Variants in FBLN1 observed in about 807,000 individuals in gnomAD.
FBLN1 encodes the protein fibulin-1.
A neutral mutation model predicts 89.7 loss-of-function variants in FBLN1; 34 were observed. That is an observed-to-expected ratio of 0.38 (90% CI 0.29 to 0.50). The LOEUF is 0.50. Ranked by LOEUF, FBLN1 falls within the 20% of genes least tolerant of loss-of-function variation. FBLN1 has a pLI of 0.92. For synonymous variants in FBLN1, 393 were observed against 391.3 expected (o/e 1.00, Z -0.05); for missense variants, 777 against 988.1 (o/e 0.79, Z 2.86).
rs1197986445 is a variant in FBLN1, at chr22:45,574,457, G to A, written c.1698-54G>A. The A allele has an allele frequency of 6.2e-7, 1 of 1,610,220 alleles. No individual in the cohort carries two copies. Among genetic ancestry groups the A allele is most frequent in the Non-Finnish European group, 8.5e-7 (1 of 1,177,660 alleles). ...CTCCTCCCTAGACCTCGGCCCCTGT[G>A]GGAGCTGCTGTCCCAGCTTCCCCGT... On this transcript the variant is annotated intron_variant, in intron 14 of 16. Coordinates refer to ENST00000327858, the MANE Select transcript of FBLN1 (RefSeq NM_006486.3). This position sits in a 1 kb window ranked among gnomAD's most constrained non-coding sequence, Gnocchi z 4.1.
rs765353422 is a variant in FBLN1 at position 45,522,951 on chromosome 22, G to A, written c.186-2592G>A. ...CGAAATATGCAAGTCCCCTGGCCTC[G>A]TGGAGGCGGCATTCTATAGGGGATG... On this transcript the variant is annotated intron_variant, in intron 2 of 16. Transcript: ENST00000327858. 6.5e-5 allele frequency: 32 copies of A among 491,050 alleles called. 1 individual carries two copies. Among genetic ancestry groups the A allele is most frequent in the African/African-American group, 4.0e-4 (21 of 52,400 alleles). The allele number at this position is 491,050 out of a possible 1,614,324, so 30.4% of individuals were successfully genotyped here. A position where few individuals can be genotyped will look rare whatever the true frequency, so the allele number is the denominator to read the frequency against.
chr22:45,519,259 G>A (rs1445564663), intron 2 of FBLN1, among the ~76,000 whole-genome samples: 2 of 152,234 alleles, frequency 1.3e-5, no homozygotes, highest in Admixed American at 6.5e-5. Flanking sequence ...TGGATCGACC[G>A]TTTTTATTCT....
intron 4 of FBLN1, among the ~76,000 whole-genome samples, chr22:45,529,332 C>T (rs554230039): frequency 1.9e-4 from 29 of 152,328 alleles, no homozygotes; most frequent in African/African-American, 5.3e-4. Context: ...GCTTCAAGAG[C>T]GCTCTCAGCT....
At position 45,543,459 on chromosome 22, in the gene FBLN1, G is replaced by A. The variant is rs1194623370; in HGVS notation, c.1254G>A (p.Thr418=). Residue 418 remains threonine, a synonymous_variant, in exon 11 of 17, where the codon ACG becomes ACA. Coordinates refer to ENST00000327858, the MANE Select transcript of FBLN1 (RefSeq NM_006486.3). ...GRLCGHKCEN[T]LGSYLCSCSV... ...TGTGTGGCCACAAGTGCGAGAACAC[G>A]CTGGGCTCCTACCTCTGCAGCTGTT... The A allele has an allele frequency of 6.8e-6, 11 of 1,613,654 alleles. No homozygotes were observed. Among genetic ancestry groups the A allele is most frequent in the East Asian group, 2.2e-5 (1 of 44,882 alleles).
chr22:45,502,905 G>C lies in FBLN1; in HGVS notation c.-81G>C. On this transcript the variant is annotated 5_prime_UTR_variant, in exon 1 of 17. Coordinates refer to ENST00000327858, the MANE Select transcript of FBLN1 (RefSeq NM_006486.3). Reference sequence around the variant, plus strand: ...AGCGTTGGCTGCCGAGGCTCGGCCGGAGCGTGGAGCCCGCGCCGCTGCCCC... The same window carrying C: ...AGCGTTGGCTGCCGAGGCTCGGCCGCAGCGTGGAGCCCGCGCCGCTGCCCC... 1 of 512,110 alleles carries C rather than the reference G, an allele frequency of 2.0e-6. No individual in the cohort carries two copies. Among genetic ancestry groups the C allele is most frequent in the Non-Finnish European group, 2.6e-6 (1 of 390,494 alleles). 31.7% of individuals were successfully genotyped at this position (512,110 alleles called of 1,614,324 possible). A position where few individuals can be genotyped will look rare whatever the true frequency, so the allele number is the denominator to read the frequency against.
Position 45,527,835 on chromosome 22 carries a change from C to T in FBLN1, c.322-12C>T. 1.2e-6 allele frequency: 2 copies of T among 1,613,634 alleles called. No homozygotes were observed. The highest frequency in any genetic ancestry group is 2.2e-5 in the East Asian group (1 of 44,862). On this transcript the variant is annotated splice_polypyrimidine_tract_variant and intron_variant, in intron 3 of 16. Coordinates refer to ENST00000327858, the MANE Select transcript of FBLN1 (RefSeq NM_006486.3). ...CCGCTCCTCCATCTGGGATCTCCAC[C>T]TGTGTTTGCAGAGGTGCTGCCATTG...
chr22:45,529,656 A>C (rs2088377784), intron 4 of FBLN1, among the ~76,000 whole-genome samples: 1 of 152,150 alleles, frequency 6.6e-6, no homozygotes, highest in African/African-American at 2.4e-5. Context: ...ACCTGAGGTC[A>C]GGAGTTCGAG....
intron 7 of FBLN1, 110 bp downstream of exon 7, chr22:45,534,008 C>T: frequency 6.8e-7 from 1 of 1,475,858 alleles, no homozygotes; most frequent in East Asian, 2.3e-5. Flanking sequence ...CCCTCTGTGG[C>T]TGCCTGGGCG....
chr22:45,573,430 C>CT (rs2088966722), intron 14 of FBLN1, among the ~76,000 whole-genome samples: 1 of 150,648 alleles, frequency 6.6e-6, no homozygotes, highest in South Asian at 2.1e-4. Flanking sequence ...AATCCCAGCA[C>CT]TTTGGGAGGC....
intron 16 of FBLN1, among the ~76,000 whole-genome samples, chr22:45,586,783 G>A (rs566151332): frequency 2.6e-5 from 4 of 152,256 alleles, no homozygotes; most frequent in South Asian, 4.2e-4. Flanking sequence ...ATGGGGCCAC[G>A]TAGGAAAGGG....
In FBLN1 at chr22:45,518,703, A is replaced by T; in HGVS notation, c.101A>T (p.Glu34Val). Residue 34 changes from glutamate to valine, a missense_variant, in exon 2 of 17, where the codon GAG becomes GTG. Glu to Val is a moderately radical substitution (Grantham distance 121). Coordinates refer to ENST00000327858, the MANE Select transcript of FBLN1 (RefSeq NM_006486.3). ...ACAGTGGACGCGGATGTCCTCCTGG[A>T]GGCCTGCTGTGCGGACGGACACCGG... ...AAGVDADVLLEACCADGHRMA... is the reference protein window; with the variant it reads ...AAGVDADVLLVACCADGHRMA... 6.2e-7 allele frequency: 1 copy of T among 1,609,800 alleles called. No homozygotes were observed. The highest frequency in any genetic ancestry group is 8.5e-7 in the Non-Finnish European group (1 of 1,178,260).
Position 45,531,293 on chromosome 22 carries a change from A to G in FBLN1, c.513A>G (p.Gln171=), listed in dbSNP as rs1311152397. The G allele has an allele frequency of 3.7e-6, 6 of 1,614,070 alleles. No homozygotes were observed. In the African/African-American group the frequency reaches 4.0e-5, roughly 11 times the overall value. Reference sequence around the variant, plus strand: ...AGATCATTGAGGTTGAGGAGGAACAAGAGGACCCATATCTGAATGACCGCT... The same window carrying G: ...AGATCATTGAGGTTGAGGAGGAACAGGAGGACCCATATCTGAATGACCGCT... The part of the protein sequence containing the change: ...TDKIIEVEEE[Q]EDPYLNDRCR... Residue 171 remains glutamine (Q), a synonymous_variant, in exon 5 of 17, where the codon CAA becomes CAG. Coordinates refer to ENST00000327858, the MANE Select transcript of FBLN1 (RefSeq NM_006486.3). The surrounding 1 kb of genome is among the most constrained non-coding windows in gnomAD (Gnocchi z 4.9).
In FBLN1 at chr22:45,518,709, G is replaced by T; in HGVS notation, c.107G>T (p.Cys36Phe). Reference protein sequence around the residue: ...GVDADVLLEACCADGHRMATH... With the variant: ...GVDADVLLEAFCADGHRMATH... ...GACGCGGATGTCCTCCTGGAGGCCT[G>T]CTGTGCGGACGGACACCGGATGGCC... is the stretch of plus-strand genomic sequence containing the variant. Residue 36 changes from cysteine (C) to phenylalanine (F), a missense_variant, in exon 2 of 17, where the codon TGC becomes TTC. Transcript: ENST00000327858. 1 of 1,610,692 alleles carries T rather than the reference G, an allele frequency of 6.2e-7. No homozygotes were observed.
intron 16 of FBLN1, among the ~76,000 whole-genome samples, chr22:45,595,739 G>A (rs2089178615): frequency 6.6e-6 from 1 of 152,298 alleles, no homozygotes; most frequent in South Asian, 2.1e-4. Context: ...GCTTTGGCTG[G>A]GAGTCAGATC....
rs148139972 is a variant in FBLN1, at chr22:45,588,312, A to G, written c.1972+11204A>G. On this transcript the variant is annotated intron_variant, in intron 16 of 16. Transcript: ENST00000327858. This position sits in a 1 kb window ranked among gnomAD's most constrained non-coding sequence, Gnocchi z 5.1. Reference sequence around the variant, plus strand: ...CATGCCTGGGGAACTCCTTCTGGAAAGTCTGTCGTGAACCAGAGCAGATAA... The same window carrying G: ...CATGCCTGGGGAACTCCTTCTGGAAGGTCTGTCGTGAACCAGAGCAGATAA... Among the ~76,000 whole-genome samples, 27 of 152,302 alleles carry G rather than the reference A, an allele frequency of 1.8e-4. No homozygotes were observed. In the East Asian group the frequency reaches 5.0e-3, roughly 28 times the overall value.
chr22:45,553,392 G>A (rs999895042), intron 14 of FBLN1, among the ~76,000 whole-genome samples: 6 of 152,320 alleles, frequency 3.9e-5, no homozygotes, highest in African/African-American at 1.4e-4. Context: ...TGGCAGGGGG[G>A]GACGGGGCGG....
In FBLN1 at chr22:45,580,168, A is replaced by C. The variant is rs930689586; in HGVS notation, c.1972+3060A>C. 1.2e-4 allele frequency among the ~76,000 whole-genome samples: 18 copies of C among 152,106 alleles called. No homozygotes were observed. The highest frequency in any genetic ancestry group is 4.3e-4 in the African/African-American group (18 of 41,426). Reference sequence around the variant, plus strand: ...GGATGTTTTCCGACTTGTTTTTAGCAGTGCAGTTCTGATTTCAAGCAGTGA... The same window carrying C: ...GGATGTTTTCCGACTTGTTTTTAGCCGTGCAGTTCTGATTTCAAGCAGTGA... On this transcript the variant is annotated intron_variant, in intron 16 of 16. Transcript: ENST00000327858. The surrounding 1 kb of genome is among the most constrained non-coding windows in gnomAD (Gnocchi z 8.6).
intron 8 of FBLN1, among the ~76,000 whole-genome samples, chr22:45,540,460 C>T (rs1460631870): frequency 6.6e-6 from 1 of 152,158 alleles, no homozygotes; most frequent in Non-Finnish European, 1.5e-5. Context: ...TCCTTTCTGA[C>T]TTACGCTCAG....
rs1012099611 is a variant in FBLN1, at chr22:45,597,445, C to T, written c.1973-2862C>T. On this transcript the variant is annotated intron_variant, in intron 16 of 16. Transcript: ENST00000327858. The surrounding 1 kb of genome is among the most constrained non-coding windows in gnomAD (Gnocchi z 4.2). ...AGGGTGGTAAGAAGTGTCTCTGCGC[C>T]TAGTACCAGTAAAGTTGGCAGGTCA... 2.6e-5 allele frequency among the ~76,000 whole-genome samples: 4 copies of T among 152,190 alleles called. No homozygotes were observed. Among genetic ancestry groups the T allele is most frequent in the Admixed American group, 6.5e-5 (1 of 15,280 alleles).
Sources: gnomAD v4.1 joint callset for allele counts (sites outside exome capture counted in the v4.1 genomes callset) on GRCh38, gnomAD v4.1.1 for gene constraint, Gnocchi (gnomAD v3.1) non-coding constraint, MANE v1.5 for transcripts, NCBI Gene and HGNC (gene_info 2026-07-23, HGNC 2026-07-21) for gene names.